The following FAM13A variants were observed in gnomAD, a reference collection of about 807,000 sequenced individuals.
FAM13A encodes protein FAM13A.
A neutral mutation model predicts 129.6 loss-of-function variants in FAM13A; 76 were observed. That is an observed-to-expected ratio of 0.59 (90% CI 0.49 to 0.71). FAM13A has a LOEUF of 0.71. Among genes scored for constraint, FAM13A ranks in the 30% least tolerant of loss-of-function variants. The probability of loss-of-function intolerance (pLI) is 0.00; values close to 1 mark genes in which losing one functional copy is unlikely to be tolerated. For synonymous variants in FAM13A, 443 were observed against 449.9 expected, an observed-to-expected ratio of 0.98 and a Z score of 0.20; for missense variants, 1,108 against 1,249.3, an observed-to-expected ratio of 0.89 and a Z score of 1.70.
At chr4:88,786,310 G>A (rs1032166168) in intron 10 of FAM13A, among the ~76,000 whole-genome samples, 3 of 152,084 alleles carry the variant, frequency 2.0e-5, no homozygotes, top group South Asian at 2.1e-4. Flanking sequence ...GCAGGATATC[G>A]TGACACACTG....
intron 11 of FAM13A, among the ~76,000 whole-genome samples, chr4:88,776,411 T>C (rs1318121395): frequency 6.6e-6 from 1 of 152,200 alleles, no homozygotes; most frequent in African/African-American, 2.4e-5. Flanking sequence ...ATGGGAATAA[T>C]AATATCTACC....
intron 23 of FAM13A, chr4:88,729,523 T>G (rs1330408655): frequency 6.6e-6 from 1 of 152,218 alleles, no homozygotes; most frequent in East Asian, 1.9e-4. Context: ...AAACTGATCT[T>G]ATTCATACCC....
At chr4:88,871,915 A>G (rs1186634532) in intron 6 of FAM13A, among the ~76,000 whole-genome samples, 1 of 152,246 alleles carries the variant, frequency 6.6e-6, no homozygotes, top group African/African-American at 2.4e-5. Flanking sequence ...GTTACCCACA[A>G]AGGGAAGCCC....
Position 88,841,436 on chromosome 4 carries a change from G to C in FAM13A, c.1007+9584C>G, listed in dbSNP as rs1275861715. On this transcript the variant is annotated intron_variant, in intron 7 of 23. Coordinates refer to ENST00000264344, the MANE Select transcript of FAM13A (RefSeq NM_014883.4). ...TTGAACCCGGGAGGCGGAGGTTGCA[G>C]TGAGCCGAGATCACGCCACTGCACT... 4.1e-5 allele frequency among the ~76,000 whole-genome samples: 6 copies of C among 145,736 alleles called. No individual in the cohort carries two copies. The Admixed American group carries it at 4.2e-4, about 10-fold the overall frequency.
At chr4:88,771,019 A>T (rs1476205050) in intron 11 of FAM13A, among the ~76,000 whole-genome samples, 1 of 152,140 alleles carries the variant, frequency 6.6e-6, no homozygotes, top group Non-Finnish European at 1.5e-5. Context: ...CACATTTGAG[A>T]CTGCTGAATA....
chr4:88,961,616 C>T (rs367643558), intron 4 of FAM13A, among the ~76,000 whole-genome samples: 23 of 152,230 alleles, frequency 1.5e-4, no homozygotes, highest in African/African-American at 5.5e-4. Flanking sequence ...ATCTGCCCGC[C>T]TCAGCCTCCC....
At chr4:88,977,324 A>G (rs1186203909) in intron 4 of FAM13A, among the ~76,000 whole-genome samples, 1 of 152,196 alleles carries the variant, frequency 6.6e-6, no homozygotes, top group Non-Finnish European at 1.5e-5. Flanking sequence ...CAGAGTGGAT[A>G]TGATGTGCAA....
intron 8 of FAM13A, among the ~76,000 whole-genome samples, chr4:88,793,886 G>A (rs1056317854): frequency 6.6e-6 from 1 of 151,804 alleles, no homozygotes; most frequent in Non-Finnish European, 1.5e-5. Flanking sequence ...AGTTCCTGTG[G>A]GATGTACTTA....
chr4:88,734,549 G>C (rs1738575178), intron 21 of FAM13A, among the ~76,000 whole-genome samples: 1 of 152,218 alleles, frequency 6.6e-6, no homozygotes. Context: ...CAGTGGCAAT[G>C]CACAAGTATA....
At chr4:88,878,424 G>A (rs13131811) in intron 6 of FAM13A, among the ~76,000 whole-genome samples, 41,599 of 151,494 alleles carry the variant, frequency 0.27, 6,257 homozygotes, top group Middle Eastern at 0.38. Flanking sequence ...GCACTATACT[G>A]GTAATGCATT....
At chr4:89,010,732 T>G (rs1014013571) in intron 3 of FAM13A, among the ~76,000 whole-genome samples, 2 of 152,210 alleles carry the variant, frequency 1.3e-5, no homozygotes, top group African/African-American at 2.4e-5. Flanking sequence ...TCTGCCATCA[T>G]GTGGTTCTGT....
chr4:88,985,651 G>A (rs567379180), intron 4 of FAM13A, among the ~76,000 whole-genome samples: 6 of 152,186 alleles, frequency 3.9e-5, no homozygotes. Flanking sequence ...GCTATCTAAT[G>A]ATATAGAGGC....
intron 7 of FAM13A, among the ~76,000 whole-genome samples, chr4:88,844,250 T>C (rs918942281): frequency 1.3e-5 from 2 of 152,188 alleles, no homozygotes; most frequent in African/African-American, 4.8e-5. Flanking sequence ...ATACTTTTTA[T>C]GTGGGAAAGG....
At chr4:88,743,389 C>A (rs1484597767) in intron 19 of FAM13A, among the ~76,000 whole-genome samples, 1 of 152,074 alleles carries the variant, frequency 6.6e-6, no homozygotes, top group Non-Finnish European at 1.5e-5. Flanking sequence ...TGTTACCTGA[C>A]AAAACCACAA....
At chr4:88,948,716 C>T (rs369802369) in intron 4 of FAM13A, among the ~76,000 whole-genome samples, 6 of 152,010 alleles carry the variant, frequency 3.9e-5, no homozygotes, top group Admixed American at 6.6e-5. Context: ...CTCGAACTCC[C>T]GACCTCAGAT....
intron 5 of FAM13A, among the ~76,000 whole-genome samples, chr4:88,921,241 C>G (rs1366664103): frequency 6.6e-6 from 1 of 151,826 alleles, no homozygotes; most frequent in African/African-American, 2.4e-5. Flanking sequence ...CTCCAAGACA[C>G]ATAATTGTCA....
intron 5 of FAM13A, among the ~76,000 whole-genome samples, chr4:88,922,471 A>C (rs1471692314): frequency 6.6e-6 from 1 of 152,154 alleles, no homozygotes; most frequent in Non-Finnish European, 1.5e-5. Context: ...TAACGAAATG[A>C]AGGCAGAAAT....
At chr4:88,801,149 T>TA (rs1269789831) in intron 8 of FAM13A, among the ~76,000 whole-genome samples, 1 of 152,172 alleles carries the variant, frequency 6.6e-6, no homozygotes, top group African/African-American at 2.4e-5. Context: ...TTTCTACATA[T>TA]CAGGAATAGC....
intron 6 of FAM13A, among the ~76,000 whole-genome samples, chr4:88,887,534 C>T (rs11942487): frequency 0.69 from 81,129 of 117,568 alleles, 24,841 homozygotes; most frequent in East Asian, 0.84. Flanking sequence ...TTCTTTCTTT[C>T]TTTTTTTTTT....
Sources: gnomAD v4.1 joint callset for allele counts (sites outside exome capture counted in the v4.1 genomes callset) on GRCh38, gnomAD v4.1.1 for gene constraint, MANE v1.5 for transcripts, NCBI Gene and HGNC (gene_info 2026-07-23, HGNC 2026-07-21) for gene names.